The following ZNF334 variants were observed in gnomAD, a reference collection of about 807,000 sequenced individuals.
ZNF334 encodes the protein zinc finger protein 334.
In ZNF334, 14 loss-of-function variants were observed where a neutral mutation model predicts 12.4. The observed-to-expected ratio is 1.13, with a 90% CI of 0.74 to 1.76. The LOEUF (loss-of-function observed/expected upper bound fraction) is 1.76. Among genes scored for constraint, ZNF334 ranks in the 40% most tolerant of loss-of-function variants. The pLI, the probability that ZNF334 is intolerant of heterozygous loss-of-function variation, is 0.00. For synonymous variants in ZNF334, 273 were observed against 269.6 expected (o/e 1.01, Z -0.12); for missense variants, 797 against 804.5 (o/e 0.99, Z 0.11).
the ZNF334 span, among the ~76,000 whole-genome samples, chr20:46,487,385 A>T: frequency 6.6e-6 from 1 of 152,200 alleles, no homozygotes; most frequent in African/African-American, 2.4e-5. Context: ...CACACAAGCC[A>T]TCAGTACTAT....
chr20:46,488,419 T>TTTTATATATATATATA, the ZNF334 span, among the ~76,000 whole-genome samples: 3 of 102,242 alleles, frequency 2.9e-5, no homozygotes, highest in African/African-American at 8.7e-5. Flanking sequence ...AGCTCTTATT[T>TTTTATATATATATATA]TATATATATA....
At chr20:46,503,773 G>A (rs573292230) in intron 4 of ZNF334, among the ~76,000 whole-genome samples, 13 of 152,202 alleles carry the variant, frequency 8.5e-5, no homozygotes, top group African/African-American at 2.6e-4. Flanking sequence ...ACCCTACTCC[G>A]GATCCTGGTG....
At chr20:46,470,793 T>C in the ZNF334 span, among the ~76,000 whole-genome samples, 1 of 152,218 alleles carries the variant, frequency 6.6e-6, no homozygotes, top group East Asian at 1.9e-4. Flanking sequence ...ATGTTTAGCA[T>C]GTTATTTTTA....
the ZNF334 span, among the ~76,000 whole-genome samples, chr20:46,480,264 G>C: frequency 6.6e-6 from 1 of 152,126 alleles, no homozygotes; most frequent in Non-Finnish European, 1.5e-5. Context: ...GTTAGGATGT[G>C]GACATGTTTG....
rs140635538 is a variant in ZNF334 at position 46,501,531 on chromosome 20, T to C, written c.1808A>G (p.Asn603Ser). The C allele has an allele frequency of 2.2e-5, 36 of 1,614,046 alleles. No homozygotes were observed. The highest frequency in any genetic ancestry group is 6.6e-5 in the South Asian group (6 of 91,088). The change falls in exon 5 of 5, where the codon AAT (asparagine) becomes AGT (serine). Residue 603 changes from asparagine (N) to serine (S), a missense_variant. Asn to Ser is a conservative substitution (Grantham distance 46, BLOSUM62 1). Transcript: ENST00000692313. ...THTGEKPYEC[N>S]ECGKSFCHKS... ...ATGGCAGAAGGATTTCCCACATTCA[T>C]TACATTCATATGGTTTCTCCCCAGT...
the ZNF334 span, among the ~76,000 whole-genome samples, chr20:46,489,578 A>G: frequency 6.8e-6 from 1 of 147,386 alleles, no homozygotes; most frequent in South Asian, 2.1e-4. Flanking sequence ...GAATCACTTG[A>G]GCCTGGGAAG....
chr20:46,502,039 C>A lies in ZNF334; in HGVS notation c.1300G>T (p.Glu434Ter). ...RRSHTGEKPY[E>*]CSQCGKFLCT... Reference sequence around the variant, plus strand: ...AAAAATTTTCCACATTGACTGCATTCATAGGGCTTCTCTCCTGTATGACTT... The same window carrying A: ...AAAAATTTTCCACATTGACTGCATTAATAGGGCTTCTCTCCTGTATGACTT... Residue 434 changes from glutamate (E) to a stop codon, truncating the protein, a stop_gained, in exon 5 of 5, where the codon GAA becomes TAA. Coordinates refer to ENST00000692313, the MANE Select transcript of ZNF334 (RefSeq NM_001353824.2). LOFTEE classifies it low-confidence loss of function (END_TRUNC). 1.9e-6 allele frequency: 3 copies of A among 1,614,144 alleles called. No homozygotes were observed. The highest frequency in any genetic ancestry group is 2.5e-6 in the Non-Finnish European group (3 of 1,180,014).
intron 3 of ZNF334, 124 bp downstream of exon 3, chr20:46,504,490 T>G: frequency 7.6e-7 from 1 of 1,317,258 alleles, no homozygotes. Context: ...TTCTACTGTC[T>G]AAAAGGGTTT....
In ZNF334 at chr20:46,507,476, A is replaced by T. The variant is rs149848977; in HGVS notation, c.22-2736T>A. 7.9e-5 allele frequency among the ~76,000 whole-genome samples: 12 copies of T among 152,360 alleles called. No individual in the cohort carries two copies. In the East Asian group the frequency reaches 2.3e-3, roughly 29 times the overall value. ...GAATTTGAATACGATAGATAATAAT[A>T]CTGTATTCATGTGAATTTCCTGGTT... On this transcript the variant is annotated intron_variant, in intron 2 of 4. Transcript: ENST00000692313.
At chr20:46,479,422 T>G in the ZNF334 span, among the ~76,000 whole-genome samples, 3 of 151,872 alleles carry the variant, frequency 2.0e-5, no homozygotes, top group East Asian at 5.8e-4. Context: ...GGAAGGGAGG[T>G]TGGACACACC....
chr20:46,492,042 G>A, the ZNF334 span: 2,707 of 152,466 alleles, frequency 0.018, 34 homozygotes, highest in Non-Finnish European at 0.027. Flanking sequence ...AAGCTTTCTC[G>A]ACATCAGAGA....
Position 46,500,984 on chromosome 20 carries a change from G to A in ZNF334, c.*312C>T. 1 of 288,038 alleles carries A rather than the reference G, an allele frequency of 3.5e-6. No homozygotes were observed. The highest frequency in any genetic ancestry group is 5.1e-5 in the South Asian group (1 of 19,474). The allele number at this position is 288,038 out of a possible 1,614,324, so 17.8% of individuals were successfully genotyped here. ...AACATACACTATCAAGTAACACTGT[G>A]GGGAGGAACCAAGTAACAATTTAAC... On this transcript the variant is annotated 3_prime_UTR_variant, in exon 5 of 5. Coordinates refer to ENST00000692313, the MANE Select transcript of ZNF334 (RefSeq NM_001353824.2).
intron 2 of ZNF334, among the ~76,000 whole-genome samples, chr20:46,509,998 T>G (rs1442743552): frequency 6.6e-6 from 1 of 152,212 alleles, no homozygotes; most frequent in Non-Finnish European, 1.5e-5. Flanking sequence ...TCAAGCTGAA[T>G]GTAGACCATC....
chr20:46,506,085 G>C (rs1012335874), intron 2 of ZNF334: 1 of 357,028 alleles, frequency 2.8e-6, no homozygotes, highest in Non-Finnish European at 5.0e-6. Flanking sequence ...TCGAGCATAG[G>C]AAATGAAGGC....
intron 2 of ZNF334, among the ~76,000 whole-genome samples, chr20:46,510,599 G>A (rs2061609769): frequency 6.6e-6 from 1 of 151,830 alleles, no homozygotes; most frequent in Non-Finnish European, 1.5e-5. Flanking sequence ...GGTGGCGGGT[G>A]CCTGTAGTCC....
rs960678560 is a variant in ZNF334 at position 46,501,832 on chromosome 20, T to C, written c.1507A>G (p.Asn503Asp). The C allele has an allele frequency of 1.2e-6, 2 of 1,614,048 alleles. No individual in the cohort carries two copies. Among genetic ancestry groups the C allele is most frequent in the South Asian group, 1.1e-5 (1 of 91,068 alleles). ...KCGRISIVKS[N>D]CSQCKRMNTK... Reference sequence around the variant, plus strand: ...TTCATTCTCTTACACTGACTGCAGTTTGACTTCACAATGGAGATTCTACCA... The same window carrying C: ...TTCATTCTCTTACACTGACTGCAGTCTGACTTCACAATGGAGATTCTACCA... Residue 503 changes from asparagine to aspartate, a missense_variant, in exon 5 of 5, where the codon AAC (asparagine) becomes GAC (aspartate). Transcript: ENST00000692313.
chr20:46,490,196 G>A, the ZNF334 span, among the ~76,000 whole-genome samples: 2 of 152,094 alleles, frequency 1.3e-5, no homozygotes, highest in African/African-American at 2.4e-5. Flanking sequence ...TCTAAGAATC[G>A]ATACTAGAAT....
Position 46,502,645 on chromosome 20 carries a change from T to A in ZNF334, c.694A>T (p.Thr232Ser), listed in dbSNP as rs761864695. Residue 232 changes from threonine to serine, a missense_variant, in exon 5 of 5, where the codon ACT (threonine) becomes TCT (serine). Transcript: ENST00000692313. Reference protein sequence around the residue: ...AILITQKGRQTERKPNECNEC... With the variant: ...AILITQKGRQSERKPNECNEC... ...TTACATTCATTTGGTTTCCTTTCAG[T>A]CTGTCTCCCCTTTTGTGTAATGAGA... 1 of 1,612,806 alleles carries A rather than the reference T, an allele frequency of 6.2e-7. No homozygotes were observed. The highest frequency in any genetic ancestry group is 1.6e-4 in the Middle Eastern group (1 of 6,062).
At chr20:46,488,419 T>TTATTTATATATATATATATATATATA in the ZNF334 span, among the ~76,000 whole-genome samples, 660 of 101,824 alleles carry the variant, frequency 6.5e-3, 10 homozygotes, top group Non-Finnish European at 8.2e-3. Flanking sequence ...AGCTCTTATT[T>TTATTTATATATATATATATATATATA]TATATATATA....
Sources: allele counts gnomAD v4.1 joint callset (sites outside exome capture counted in the v4.1 genomes callset), GRCh38; gene constraint gnomAD v4.1.1; transcripts MANE v1.5; gene names NCBI Gene and HGNC (gene_info 2026-07-23, HGNC 2026-07-21).